Variants in MOB3B observed in about 807,000 individuals in gnomAD.
MOB3B encodes MOB kinase activator 3B.
In MOB3B, 7 loss-of-function variants were observed where a neutral mutation model predicts 18.7. The observed-to-expected ratio is 0.37, with a 90% CI of 0.21 to 0.70. The LOEUF is 0.70. Ranked by LOEUF, MOB3B falls within the 30% of genes least tolerant of loss-of-function variation. The pLI is 0.52. For synonymous variants in MOB3B, 111 were observed against 99.9 expected (o/e 1.11, Z -0.66); for missense variants, 253 against 281.3 (o/e 0.90, Z 0.72).
At chr9:27,524,962 G>A (rs1376153812) in intron 1 of MOB3B, 4 of 1,560,870 alleles carry the variant, frequency 2.6e-6, no homozygotes, top group African/African-American at 1.4e-5. Context: ...AGGAAATAAG[G>A]TATATTTTTG....
At chr9:27,436,115 G>A (rs1284392195) in intron 2 of MOB3B, among the ~76,000 whole-genome samples, 4 of 152,130 alleles carry the variant, frequency 2.6e-5, no homozygotes, top group African/African-American at 4.8e-5. Flanking sequence ...ACCTTGCTGA[G>A]TCCCATTTAC....
intron 2 of MOB3B, among the ~76,000 whole-genome samples, chr9:27,447,888 G>A (rs1382223308): frequency 6.6e-6 from 1 of 152,172 alleles, no homozygotes; most frequent in Non-Finnish European, 1.5e-5. Flanking sequence ...ATAGACAACT[G>A]AATAAACTTG....
Position 27,404,234 on chromosome 9 carries a change from C to T in MOB3B, c.419-44998G>A, listed in dbSNP as rs867527807. On this transcript the variant is annotated intron_variant, in intron 2 of 3. Transcript: ENST00000262244. ...TGGCTTATTTCACTTAACATAATTTCCTCCATCTATGCTGTTGTAAATGAC... is the reference window on the plus strand; with the variant it reads ...TGGCTTATTTCACTTAACATAATTTTCTCCATCTATGCTGTTGTAAATGAC... 2.0e-5 allele frequency among the ~76,000 whole-genome samples: 3 copies of T among 151,842 alleles called. No homozygotes were observed. In the Middle Eastern group the frequency reaches 0.01, roughly 520 times the overall value.
intron 2 of MOB3B, among the ~76,000 whole-genome samples, chr9:27,434,072 T>G (rs909636418): frequency 6.6e-6 from 1 of 152,224 alleles, no homozygotes; most frequent in African/African-American, 2.4e-5. Flanking sequence ...GGTAGCCTCA[T>G]GTCTTCTTAC....
chr9:27,398,325 C>T (rs749588265), intron 2 of MOB3B, among the ~76,000 whole-genome samples: 57 of 152,142 alleles, frequency 3.7e-4, no homozygotes, highest in Non-Finnish European at 7.6e-4. Context: ...TTTTGTAGCT[C>T]AGAGCAAGAA....
intron 2 of MOB3B, among the ~76,000 whole-genome samples, chr9:27,390,742 G>A (rs1821716565): frequency 6.6e-6 from 1 of 152,180 alleles, no homozygotes; most frequent in Non-Finnish European, 1.5e-5. Context: ...GAATGTTTGA[G>A]TCCCCCCAAA....
At chr9:27,444,238 G>GGGAGGGAAGGAAGGAA (rs1269907922) in intron 2 of MOB3B, among the ~76,000 whole-genome samples, 46 of 107,934 alleles carry the variant, frequency 4.3e-4, no homozygotes, top group African/African-American at 1.6e-3. Flanking sequence ...GAGGGAGGGA[G>GGGAGGGAAGGAAGGAA]GGAAGGAAGG....
chr9:27,455,985 C>T (rs1486161969), intron 1 of MOB3B, among the ~76,000 whole-genome samples: 1 of 152,190 alleles, frequency 6.6e-6, no homozygotes, highest in African/African-American at 2.4e-5. Context: ...CAAATCTCTA[C>T]TGGCTCTTCT....
intron 1 of MOB3B, among the ~76,000 whole-genome samples, chr9:27,526,923 C>G (rs1820445389): frequency 6.6e-6 from 1 of 152,138 alleles, no homozygotes; most frequent in Non-Finnish European, 1.5e-5. Context: ...GGAAAGTAAA[C>G]TGGGACATGT....
chr9:27,473,583 C>A (rs1196543244), intron 1 of MOB3B, among the ~76,000 whole-genome samples: 2 of 152,104 alleles, frequency 1.3e-5, no homozygotes, highest in Non-Finnish European at 2.9e-5. Context: ...CAATAGAAAG[C>A]AAGGGGCAGT....
intron 1 of MOB3B, among the ~76,000 whole-genome samples, chr9:27,519,899 G>A (rs191699234): frequency 2.4e-4 from 36 of 151,904 alleles, no homozygotes; most frequent in South Asian, 4.2e-4. Context: ...AGGTGACTGC[G>A]TTTGTCTGAG....
chr9:27,511,245 G>A (rs578154074), intron 1 of MOB3B, among the ~76,000 whole-genome samples: 5 of 151,318 alleles, frequency 3.3e-5, no homozygotes, highest in East Asian at 1.9e-4. Context: ...AGAAAAACAT[G>A]AGACACTCAG....
At chr9:27,414,705 C>G (rs568153843) in intron 2 of MOB3B, among the ~76,000 whole-genome samples, 51 of 152,244 alleles carry the variant, frequency 3.3e-4, no homozygotes, top group African/African-American at 1.2e-3. Flanking sequence ...CAAGGTGACA[C>G]GGTCATGAGG....
chr9:27,326,298 C>T lies in MOB3B; in HGVS notation c.*4289G>A, dbSNP rs1200200051. ...CAACAAGACTCCGTAGAGGATGCCA[C>T]CCTGGGAGAATTGCAAGGGAAAGGA... On this transcript the variant is annotated 3_prime_UTR_variant, in exon 4 of 4. Transcript: ENST00000262244. 5.1e-6 allele frequency: 2 copies of T among 394,618 alleles called. No individual in the cohort carries two copies. Among genetic ancestry groups the T allele is most frequent in the South Asian group, 1.4e-4 (1 of 6,970 alleles). 24.4% of individuals were successfully genotyped at this position (394,618 alleles called of 1,614,324 possible).
intron 3 of MOB3B, among the ~76,000 whole-genome samples, chr9:27,338,183 G>T (rs1820890004): frequency 6.6e-6 from 1 of 152,104 alleles, no homozygotes; most frequent in South Asian, 2.1e-4. Context: ...CTGTGGCCTT[G>T]CATACACCTT....
chr9:27,390,602 T>C (rs1821714373), intron 2 of MOB3B, among the ~76,000 whole-genome samples: 1 of 152,238 alleles, frequency 6.6e-6, no homozygotes, highest in South Asian at 2.1e-4. Flanking sequence ...CCAGGCTGTC[T>C]GATCACAGAG....
intron 1 of MOB3B, among the ~76,000 whole-genome samples, chr9:27,495,600 G>A (rs542529009): frequency 7.4e-4 from 113 of 152,290 alleles, no homozygotes; most frequent in African/African-American, 2.5e-3. Flanking sequence ...TTCAGGCTAT[G>A]TGTAAACAAA....
At chr9:27,451,450 G>T (rs888836188) in intron 2 of MOB3B, among the ~76,000 whole-genome samples, 1 of 152,134 alleles carries the variant, frequency 6.6e-6, no homozygotes, top group African/African-American at 2.4e-5. Context: ...GAGAAAGTTC[G>T]ACTTCTGAAA....
intron 1 of MOB3B, among the ~76,000 whole-genome samples, chr9:27,473,254 A>T (rs959395096): frequency 1.3e-5 from 2 of 152,244 alleles, no homozygotes; most frequent in African/African-American, 4.8e-5. Flanking sequence ...TGAATAAAGT[A>T]CACGTTTTTC....
Sources: gnomAD v4.1 joint callset for allele counts (sites outside exome capture counted in the v4.1 genomes callset) on GRCh38, gnomAD v4.1.1 for gene constraint, MANE v1.5 for transcripts, NCBI Gene and HGNC (gene_info 2026-07-23, HGNC 2026-07-21) for gene names.